The following LAMA2 variants were observed in gnomAD, a reference collection of about 807,000 sequenced individuals.
LAMA2 encodes the protein laminin subunit alpha 2.
LAMA2 carries 269 observed loss-of-function variants against 364.8 expected under a neutral mutation model. The observed-to-expected ratio is 0.74, with a 90% CI of 0.67 to 0.82. The LOEUF is 0.82. Among genes scored for constraint, LAMA2 ranks in the 40% least tolerant of loss-of-function variants. The pLI is 0.00. For synonymous variants in LAMA2, 1,379 were observed against 1,370.6 expected (o/e 1.01, Z -0.14); for missense variants, 3,807 against 3,873.2 (o/e 0.98, Z 0.45).
intron 1 of LAMA2, among the ~76,000 whole-genome samples, chr6:128,890,574 G>T (rs1776396984): frequency 7.4e-6 from 1 of 134,510 alleles, no homozygotes; most frequent in Non-Finnish European, 1.5e-5. Flanking sequence ...CACACATGCT[G>T]CTTATTACTA....
intron 15 of LAMA2, 106 bp from the exon 16 acceptor site, chr6:129,267,000 A>G: frequency 1.3e-6 from 1 of 790,278 alleles, no homozygotes; most frequent in South Asian, 1.3e-5. Flanking sequence ...ACATTTGATG[A>G]GTTTCCTACC....
intron 1 of LAMA2, among the ~76,000 whole-genome samples, chr6:128,946,846 C>T (rs1236480352): frequency 2.0e-5 from 3 of 152,174 alleles, no homozygotes; most frequent in Non-Finnish European, 4.4e-5. Context: ...TGATGATTCT[C>T]TGCTAACATT....
chr6:129,370,011 A>G, intron 34 of LAMA2, 21 bp downstream of exon 34: 1 of 1,588,232 alleles, frequency 6.3e-7, no homozygotes, highest in Non-Finnish European at 8.6e-7. Flanking sequence ...AAAATTATGA[A>G]TCTTCTGAAA....
chr6:129,491,947 C>T lies in LAMA2; in HGVS notation c.7945C>T (p.Leu2649=). Residue 2649 remains leucine (L), a synonymous_variant, in exon 57 of 65, where the codon CTG becomes TTG. Coordinates refer to ENST00000421865, the MANE Select transcript of LAMA2 (RefSeq NM_000426.4). ...TGAAAACAGAAGATACATGCAAAAC[C>T]TGACAGTTGAACAGCCTATCGAAGT... The part of the protein sequence containing the change: ...VDENRRYMQN[L]TVEQPIEVKK... 1 of 1,613,870 alleles carries T rather than the reference C, an allele frequency of 6.2e-7. No individual in the cohort carries two copies. The highest frequency in any genetic ancestry group is 8.5e-7 in the Non-Finnish European group (1 of 1,179,814).
chr6:129,095,577 T>C (rs756849872), intron 3 of LAMA2, among the ~76,000 whole-genome samples: 19 of 152,046 alleles, frequency 1.2e-4, no homozygotes, highest in Non-Finnish European at 2.8e-4. Context: ...CAGTGAGCTG[T>C]ACATTTTTTT....
At chr6:129,500,886 C>T (rs58347039) in intron 58 of LAMA2, among the ~76,000 whole-genome samples, 3,929 of 152,184 alleles carry the variant, frequency 0.026, 161 homozygotes, top group African/African-American at 0.086. Context: ...AGTAATTAGA[C>T]GAGTGACTGT....
At chr6:129,256,745 A>AT (rs1266179969) in intron 14 of LAMA2, among the ~76,000 whole-genome samples, 1 of 139,950 alleles carries the variant, frequency 7.1e-6, no homozygotes, top group Non-Finnish European at 1.5e-5. Context: ...ATATATATAT[A>AT]AAAAACAAAT....
intron 51 of LAMA2, among the ~76,000 whole-genome samples, chr6:129,470,770 G>A (rs1783774353): frequency 6.6e-6 from 1 of 151,836 alleles, no homozygotes; most frequent in Non-Finnish European, 1.5e-5. Flanking sequence ...CCAGCAATGT[G>A]GATGATTGCT....
chr6:129,367,510 A>G (rs996535756), intron 33 of LAMA2, among the ~76,000 whole-genome samples: 2 of 152,232 alleles, frequency 1.3e-5, no homozygotes, highest in Admixed American at 1.3e-4. Flanking sequence ...CAGAGAATGT[A>G]CCATTACTGA....
At chr6:129,158,526 A>C (rs994841695) in intron 8 of LAMA2, 1 of 1,614,016 alleles carries the variant, frequency 6.2e-7, no homozygotes, top group Non-Finnish European at 8.5e-7. Flanking sequence ...AACTGGAATA[A>C]ATGCTTCATC....
At chr6:128,955,577 A>G (rs1293519052) in intron 1 of LAMA2, among the ~76,000 whole-genome samples, 1 of 151,992 alleles carries the variant, frequency 6.6e-6, no homozygotes, top group East Asian at 1.9e-4. Context: ...ATAGAAAAAA[A>G]TCACATTTAA....
rs149951387 is a variant in LAMA2, at chr6:129,393,057, C to T, written c.5247C>T (p.Ala1749=). ...IAEDELVAAE[A]LLKKVKKLFG... ...GGGGTGGTTACAGAGCTGCAGAAGC[C>T]CTTCTGAAAAAAGTGAAGAAGCTGT... The change falls in exon 37 of 65, where the codon GCC becomes GCT. Residue 1749 remains alanine (A), a synonymous_variant. Coordinates refer to ENST00000421865, the MANE Select transcript of LAMA2 (RefSeq NM_000426.4). 5.2e-4 allele frequency: 845 copies of T among 1,613,236 alleles called. 5 individuals are homozygous for T. The African/African-American group carries it at 0.011, about 20-fold the overall frequency.
At chr6:129,468,544 A>G (rs1783655545) in intron 51 of LAMA2, among the ~76,000 whole-genome samples, 1 of 151,936 alleles carries the variant, frequency 6.6e-6, no homozygotes, top group Non-Finnish European at 1.5e-5. Context: ...CAAATGTTAT[A>G]AACAAATAAT....
intron 12 of LAMA2, among the ~76,000 whole-genome samples, chr6:129,224,625 C>T (rs951370275): frequency 2.0e-5 from 3 of 150,806 alleles, no homozygotes; most frequent in Non-Finnish European, 4.5e-5. Flanking sequence ...TGTTTATATG[C>T]TGGATTACGT....
At chr6:129,336,937 T>C (rs1775990573) in intron 29 of LAMA2, among the ~76,000 whole-genome samples, 1 of 152,234 alleles carries the variant, frequency 6.6e-6, no homozygotes, top group Non-Finnish European at 1.5e-5. Context: ...TGTTGGATGG[T>C]GGGAAAATAT....
intron 12 of LAMA2, among the ~76,000 whole-genome samples, chr6:129,203,181 A>G (rs1014545752): frequency 2.6e-5 from 4 of 152,260 alleles, no homozygotes; most frequent in Admixed American, 1.3e-4. Flanking sequence ...AAACTTAAAG[A>G]AAGAAAACCA....
intron 1 of LAMA2, among the ~76,000 whole-genome samples, chr6:128,925,654 G>T (rs895353911): frequency 1.3e-5 from 2 of 152,102 alleles, no homozygotes; most frequent in African/African-American, 4.8e-5. Context: ...TTACAATGAT[G>T]AATTTTATGT....
intron 1 of LAMA2, among the ~76,000 whole-genome samples, chr6:129,014,672 G>T (rs374413818): frequency 1.3e-5 from 2 of 151,962 alleles, no homozygotes; most frequent in East Asian, 3.9e-4. Context: ...GAAAAAATAT[G>T]CTATTTAGGT....
rs527865162 is a variant in LAMA2, at chr6:129,005,972, A to G, written c.113-43946A>G. 9.2e-5 allele frequency among the ~76,000 whole-genome samples: 14 copies of G among 151,804 alleles called. No individual in the cohort carries two copies. The East Asian group carries it at 2.7e-3, about 29-fold the overall frequency. ...CTTGTTTTCCTTCTTGTTTGGAATG[A>G]TCTGTTTGAGACTGTGTTTTTAACA... On this transcript the variant is annotated intron_variant, in intron 1 of 64. Coordinates refer to ENST00000421865, the MANE Select transcript of LAMA2 (RefSeq NM_000426.4).
Sources: gnomAD v4.1 joint callset for allele counts (sites outside exome capture counted in the v4.1 genomes callset) on GRCh38, gnomAD v4.1.1 for gene constraint, MANE v1.5 for transcripts, NCBI Gene and HGNC (gene_info 2026-07-23, HGNC 2026-07-21) for gene names.